Variants in SH2B1 observed in about 807,000 individuals in gnomAD.
SH2B1 encodes the protein SH2B adaptor protein 1, also known as SH2B adapter protein 1.
Under a neutral mutation model 62.6 loss-of-function variants are expected in SH2B1, and 15 were observed. The observed-to-expected ratio is 0.24, with a 90% CI of 0.16 to 0.37. The LOEUF (loss-of-function observed/expected upper bound fraction) is 0.37. Ranked by LOEUF, SH2B1 falls within the 10% of genes least tolerant of loss-of-function variation. SH2B1 has a pLI of 1.00. For synonymous variants in SH2B1, 443 were observed against 438.0 expected, an observed-to-expected ratio of 1.01 and a Z score of -0.14; for missense variants, 925 against 1,015.6, an observed-to-expected ratio of 0.91 and a Z score of 1.21.
At chr16:28,854,902 G>C (rs1962285059) in intron 1 of SH2B1, among the ~76,000 whole-genome samples, 1 of 152,168 alleles carries the variant, frequency 6.6e-6, no homozygotes, top group Admixed American at 6.6e-5. Flanking sequence ...TTGAGACAGA[G>C]TCTCGTTCTG....
rs1199360248 is a variant in SH2B1, at chr16:28,852,412, ATATT to A, written c.-301+5589_-301+5592del. 1.7e-4 allele frequency among the ~76,000 whole-genome samples: 5 copies of A among 29,394 alleles called. 1 individual carries two copies. Among genetic ancestry groups the A allele is most frequent in the Non-Finnish European group, 3.0e-4 (5 of 16,678 alleles). 19.3% of individuals were successfully genotyped at this position (29,394 alleles called of 152,430 possible). ...TATATATACATATATATTTACATAT[ATATT>A]TATATATTTACATATATATTTATAT... On this transcript the variant is annotated intron_variant, in intron 1 of 10. Transcript: ENST00000322610.
rs1339055034 is a variant in SH2B1, at chr16:28,873,692, C to T, written c.2143C>T (p.Gln715Ter). 6.6e-7 allele frequency: 1 copy of T among 1,517,400 alleles called. No homozygotes were observed. The highest frequency in any genetic ancestry group is 2.2e-5 in the Admixed American group (1 of 45,718). The allele number at this position is 1,517,400 out of a possible 1,614,324, so 94.0% of individuals were successfully genotyped here. The change falls in exon 8 of 8, where the codon CAG (glutamine) becomes TAG (stop). Residue 715 changes from glutamine (Q) to a stop codon, truncating the protein, a stop_gained. Coordinates refer to ENST00000684370, the MANE Select transcript of SH2B1 (RefSeq NM_001387430.1). LOFTEE classifies it high-confidence loss of function. This position sits in a 1 kb window ranked among gnomAD's most constrained non-coding sequence, Gnocchi z 4.2. ...EEAIAPGSEAQGAGSGGDAGV... is the reference protein window; with the variant it reads ...EEAIAPGSEA ...GGCCATAGCCCCAGGCTCAGAGGCCCAGGGCGCTGGGTCTGGTGGGGACGC... is the reference window on the plus strand; with the variant it reads ...GGCCATAGCCCCAGGCTCAGAGGCCTAGGGCGCTGGGTCTGGTGGGGACGC...
chr16:28,852,462 A>ATATATATATTTACATATATATT (rs1962152150), intron 1 of SH2B1, among the ~76,000 whole-genome samples: 2 of 82,154 alleles, frequency 2.4e-5, no homozygotes, highest in Non-Finnish European at 4.2e-5. Context: ...ATATATATTT[A>ATATATATATTTACATATATATT]TATATATACA....
chr16:28,855,960 C>A (rs1437327372), intron 1 of SH2B1, among the ~76,000 whole-genome samples: 1 of 150,504 alleles, frequency 6.6e-6, no homozygotes, highest in African/African-American at 2.4e-5. Flanking sequence ...TGTGAGCCAC[C>A]GCGCCCAGCC....
At position 28,865,470 on chromosome 16, in the gene SH2B1, T is replaced by G; in HGVS notation, c.-625T>G. On this transcript the variant is annotated 5_prime_UTR_variant, in exon 1 of 8. Transcript: ENST00000684370. ...AGCTCCTCTCTAGCCCCCTGCGAGC[T>G]GGGGCGGTGAGGTGCTATGGCTGAG... is the stretch of plus-strand genomic sequence containing the variant. 1.0e-6 allele frequency: 1 copy of G among 985,570 alleles called. No homozygotes were observed. The highest frequency in any genetic ancestry group is 4.7e-5 in the South Asian group (1 of 21,282). 61.1% of individuals were successfully genotyped at this position (985,570 alleles called of 1,614,324 possible).
intron 1 of SH2B1, among the ~76,000 whole-genome samples, chr16:28,850,435 A>G (rs1363819446): frequency 6.6e-6 from 1 of 152,180 alleles, no homozygotes; most frequent in Admixed American, 6.5e-5. Context: ...ATGGCAGCAC[A>G]TGCTTGTATA....
chr16:28,863,681 A>G, upstream of SH2B1: 3 of 1,535,576 alleles, frequency 2.0e-6, no homozygotes, highest in Non-Finnish European at 2.6e-6. Context: ...CAACTGGAGA[A>G]GGCACTGAAG....
In SH2B1 at chr16:28,852,811, TATATTTAC is replaced by T. The variant is rs1233719545; in HGVS notation, c.-301+5989_-301+5996del. Among the ~76,000 whole-genome samples the T allele has an allele frequency of 6.6e-4, 40 of 60,964 alleles. 3 individuals are homozygous for T. The highest frequency in any genetic ancestry group is 8.9e-4 in the Non-Finnish European group (33 of 37,178). 40.0% of individuals were successfully genotyped at this position (60,964 alleles called of 152,430 possible). A position where few individuals can be genotyped will look rare whatever the true frequency, so the allele number is the denominator to read the frequency against. On this transcript the variant is annotated intron_variant, in intron 1 of 10. Coordinates refer to the SH2B1 transcript ENST00000322610. Reference sequence around the variant, plus strand: ...ATATATATTTACATATATATTTACATATATTTACATATATATTTATATATATATACATA... The same window carrying T: ...ATATATATTTACATATATATTTACATATATATATTTATATATATATACATA...
chr16:28,854,654 G>T (rs1034494904), intron 1 of SH2B1, among the ~76,000 whole-genome samples: 1 of 152,076 alleles, frequency 6.6e-6, no homozygotes, highest in African/African-American at 2.4e-5. Flanking sequence ...TACTTGGAAG[G>T]CTGAGGCAGG....
Position 28,872,523 on chromosome 16 carries a change from C to A in SH2B1, c.1726-11C>A. The A allele has an allele frequency of 6.2e-7, 1 of 1,606,336 alleles. No homozygotes were observed. Among genetic ancestry groups the A allele is most frequent in the Non-Finnish European group, 8.5e-7 (1 of 1,174,548 alleles). The stretch of plus-strand genomic sequence containing the variant: ...TTGCCTCCTACCTCACCTCCCCCAT[C>A]CCGCCCTCAGCACCTGCGTTTGTCG... On this transcript the variant is annotated splice_polypyrimidine_tract_variant and intron_variant, in intron 6 of 7. Transcript: ENST00000684370. This position sits in a 1 kb window ranked among gnomAD's most constrained non-coding sequence, Gnocchi z 5.3.
At chr16:28,862,847 A>AC (rs1962494025), upstream of SH2B1, 2 of 145,392 alleles carry the variant, frequency 1.4e-5, no homozygotes, top group South Asian at 4.4e-4. Flanking sequence ...CAAACTCCTG[A>AC]CCTCAAGCCA....
intron 1 of SH2B1, among the ~76,000 whole-genome samples, chr16:28,853,509 C>T (rs942139986): frequency 6.9e-6 from 1 of 144,826 alleles, no homozygotes; most frequent in African/African-American, 2.5e-5. Flanking sequence ...AGCGCCCACC[C>T]ACCCCACTTT....
intron 1 of SH2B1, among the ~76,000 whole-genome samples, chr16:28,849,374 G>A (rs778533260): frequency 6.6e-6 from 1 of 152,190 alleles, no homozygotes; most frequent in Non-Finnish European, 1.5e-5. Context: ...TGGGATTACA[G>A]GCATGAGCCA....
chr16:28,852,838 A>ATT (rs1474890020), intron 1 of SH2B1, among the ~76,000 whole-genome samples: 2 of 46,962 alleles, frequency 4.3e-5, no homozygotes, highest in African/African-American at 1.7e-4. Context: ...TTATATATAT[A>ATT]TACATATATA....
In SH2B1 at chr16:28,872,131, C is replaced by G; in HGVS notation, c.1514-59C>G. The G allele has an allele frequency of 6.5e-7, 1 of 1,542,284 alleles. No individual in the cohort carries two copies. The highest frequency in any genetic ancestry group is 8.9e-7 in the Non-Finnish European group (1 of 1,125,218). On this transcript the variant is annotated intron_variant, in intron 5 of 7. Coordinates refer to ENST00000684370, the MANE Select transcript of SH2B1 (RefSeq NM_001387430.1). The surrounding 1 kb of genome is among the most constrained non-coding windows in gnomAD (Gnocchi z 5.3). ...TGAGGGGAAGGCAAGGCTTTTTTCT[C>G]CCAGGATGGGGGAGGCTGCCCTGAC...
chr16:28,857,960 C>G (rs1962360576), intron 1 of SH2B1, among the ~76,000 whole-genome samples: 1 of 151,908 alleles, frequency 6.6e-6, no homozygotes, highest in Non-Finnish European at 1.5e-5. Context: ...AGGATGGTCT[C>G]GATCTCCTGA....
At chr16:28,868,760 C>T (rs944126807) in intron 2 of SH2B1, among the ~76,000 whole-genome samples, 1 of 151,492 alleles carries the variant, frequency 6.6e-6, no homozygotes, top group East Asian at 1.9e-4. Flanking sequence ...CCGGCCTCGC[C>T]TTATTTTATT....
chr16:28,857,981 C>T (rs1425577315), intron 1 of SH2B1, among the ~76,000 whole-genome samples: 2 of 151,922 alleles, frequency 1.3e-5, no homozygotes, highest in African/African-American at 4.8e-5. Flanking sequence ...CCTCGTGATC[C>T]GCCCACCTCA....
At position 28,872,976 on chromosome 16, in the gene SH2B1, TTGTC is replaced by T. The variant is rs1252543892; in HGVS notation, c.1897+281_1897+284del. ...CCATTCCATCGGATCCTCTGTTCCATTGTCTGTCTGTCTCCTGGACCCATCCTGG... is the reference window on the plus strand; with the variant it reads ...CCATTCCATCGGATCCTCTGTTCCATTGTCTGTCTCCTGGACCCATCCTGG... On this transcript the variant is annotated intron_variant, in intron 7 of 7. Transcript: ENST00000684370. This position sits in a 1 kb window ranked among gnomAD's most constrained non-coding sequence, Gnocchi z 5.3. 1.4e-5 allele frequency: 9 copies of T among 636,728 alleles called. No homozygotes were observed. Among genetic ancestry groups the T allele is most frequent in the East Asian group, 8.2e-5 (3 of 36,686 alleles). The allele number at this position is 636,728 out of a possible 1,614,324, so 39.4% of individuals were successfully genotyped here.
Sources: gnomAD v4.1 joint callset for allele counts (sites outside exome capture counted in the v4.1 genomes callset) on GRCh38, gnomAD v4.1.1 for gene constraint, Gnocchi (gnomAD v3.1) non-coding constraint, MANE v1.5 for transcripts, NCBI Gene and HGNC (gene_info 2026-07-23, HGNC 2026-07-21) for gene names.